TRIM37: variants seen among roughly 807,000 people sequenced by gnomAD.
TRIM37 encodes tripartite motif containing 37, also known as E3 ubiquitin-protein ligase TRIM37.
A neutral mutation model predicts 129.8 loss-of-function variants in TRIM37; 80 were observed. The ratio of observed to expected loss-of-function variants is 0.62; its 90% CI spans 0.51 to 0.74. TRIM37 has a LOEUF of 0.74. Among genes scored for constraint, TRIM37 ranks in the 30% least tolerant of loss-of-function variants. TRIM37 has a pLI of 0.00. For missense variants in TRIM37, 1,054 were observed against 1,176.5 expected, an observed-to-expected ratio of 0.90 and a Z score of 1.52; for synonymous variants, 389 against 387.1, an observed-to-expected ratio of 1.00 and a Z score of -0.06.
chr17:58,982,573 A>T, downstream of TRIM37: 1 of 255,760 alleles, frequency 3.9e-6, no homozygotes, highest in South Asian at 6.6e-5. Flanking sequence ...AATTTTAAAG[A>T]CACAGATGAC....
chr17:58,999,934 C>T (rs1452512134), intron 23 of TRIM37, among the ~76,000 whole-genome samples: 1 of 152,144 alleles, frequency 6.6e-6, no homozygotes, highest in East Asian at 1.9e-4. Flanking sequence ...ACTAAAGATG[C>T]CTTAATACTT....
chr17:59,052,941 C>T (rs1333727399), intron 13 of TRIM37, among the ~76,000 whole-genome samples: 1 of 147,144 alleles, frequency 6.8e-6, no homozygotes, highest in Non-Finnish European at 1.5e-5. Flanking sequence ...GGCAACAGAG[C>T]GAAACTCTGT....
intron 19 of TRIM37, among the ~76,000 whole-genome samples, chr17:59,021,017 T>C (rs551876467): frequency 6.6e-6 from 1 of 151,952 alleles, no homozygotes; most frequent in East Asian, 1.9e-4. Context: ...CAAAGAGGTA[T>C]CTGCATTCCC....
In TRIM37 at chr17:59,012,400, A is replaced by C. The variant is rs778075290; in HGVS notation, c.2623T>G (p.Leu875Val). 21 of 1,612,436 alleles carry C rather than the reference A, an allele frequency of 1.3e-5. No individual in the cohort carries two copies. In the East Asian group the frequency reaches 3.3e-4, roughly 26 times the overall value. Residue 875 changes from leucine to valine, a missense_variant, in exon 22 of 24, where the codon TTG becomes GTG. Leu to Val is a conservative substitution (Grantham distance 32, BLOSUM62 1). Around this residue, in one of 3 missense-constraint regions of TRIM37, gnomAD observed 287 missense variants for 274.3 expected, o/e 1.05. Transcript: ENST00000262294. ...TCTCCAGTTTCAGAATTATTTTCCA[A>C]ATCAGTCATCTGCAGTCCTTCCAGA... ...GHLEGLQMTD[L>V]ENNSETGELQ... is the part of the protein sequence containing the mutation.
chr17:59,019,226 T>C (rs1598927847), intron 19 of TRIM37, among the ~76,000 whole-genome samples: 1 of 152,120 alleles, frequency 6.6e-6, no homozygotes, highest in East Asian at 1.9e-4. Flanking sequence ...CTACTGATAA[T>C]AGCCAAAAAG....
At chr17:59,092,115 G>A (rs888256172) in intron 2 of TRIM37, among the ~76,000 whole-genome samples, 1 of 151,990 alleles carries the variant, frequency 6.6e-6, no homozygotes, top group Admixed American at 6.6e-5. Flanking sequence ...TCACAGGGCT[G>A]GGCACGGTGT....
chr17:59,106,765 C>A lies in TRIM37; in HGVS notation c.-304G>T. The A allele has an allele frequency of 1.8e-6, 1 of 557,426 alleles. No individual in the cohort carries two copies. Among genetic ancestry groups the A allele is most frequent in the Non-Finnish European group, 3.2e-6 (1 of 312,410 alleles). 34.5% of individuals were successfully genotyped at this position (557,426 alleles called of 1,614,324 possible). On this transcript the variant is annotated 5_prime_UTR_variant, in exon 1 of 24. Coordinates refer to ENST00000262294, the MANE Select transcript of TRIM37 (RefSeq NM_015294.6). ...CGCGCCGGAACCTCGGCCCACGTGA[C>A]GCGGGCGCGCGCCTATGGAACTGAC...
At chr17:59,092,107 AC>A (rs2044447275) in intron 2 of TRIM37, among the ~76,000 whole-genome samples, 1 of 152,084 alleles carries the variant, frequency 6.6e-6, no homozygotes, top group Admixed American at 6.6e-5. Context: ...AAACAGTTTC[AC>A]AGGGCTGGGC....
intron 24 of TRIM37, among the ~76,000 whole-genome samples, chr17:58,986,097 T>C (rs1364967172): frequency 6.6e-6 from 1 of 152,150 alleles, no homozygotes; most frequent in African/African-American, 2.4e-5. Context: ...CATAGAAATT[T>C]ACCCAAGTTA....
chr17:58,968,998 A>G, the TRIM37 span, among the ~76,000 whole-genome samples: 1 of 152,220 alleles, frequency 6.6e-6, no homozygotes, highest in Non-Finnish European at 1.5e-5. Context: ...ATGATTTATG[A>G]AGAAGGTATT....
Position 59,090,147 on chromosome 17 carries a change from A to C in TRIM37, c.164+1153T>G, listed in dbSNP as rs1449482133. On this transcript the variant is annotated intron_variant, in intron 3 of 23. Transcript: ENST00000262294. The stretch of plus-strand genomic sequence containing the variant: ...ATACAAAAAGAAAAATGGTTAACAG[A>C]TGGCACTCCAGCATTATTTTTTGAA... The C allele has an allele frequency of 3.3e-5, 5 of 152,164 alleles. No individual in the cohort carries two copies. In the East Asian group the frequency reaches 9.6e-4, roughly 29 times the overall value. The allele number at this position is 152,164 out of a possible 1,614,324, so 9.4% of individuals were successfully genotyped here.
intron 16 of TRIM37, 127 bp downstream of exon 16, chr17:59,047,556 G>GA: frequency 4.1e-6 from 4 of 969,424 alleles, no homozygotes; most frequent in Non-Finnish European, 6.2e-6. Flanking sequence ...ATTAGAGAGA[G>GA]AAAACTGACT....
At chr17:59,041,996 AATAAG>A in intron 16 of TRIM37, 98 bp from the exon 17 acceptor site, 4 of 818,382 alleles carry the variant, frequency 4.9e-6, no homozygotes, top group Non-Finnish European at 8.2e-6. Context: ...TTTTCTGTGA[AATAAG>A]ATATTTCTAA....
Position 58,998,292 on chromosome 17 carries a change from C to T in TRIM37, c.*1085G>A, listed in dbSNP as rs1000109205. 3.2e-5 allele frequency: 32 copies of T among 985,186 alleles called. No homozygotes were observed. Among genetic ancestry groups the T allele is most frequent in the African/African-American group, 5.2e-5 (3 of 57,214 alleles). The allele number at this position is 985,186 out of a possible 1,614,324, so 61.0% of individuals were successfully genotyped here. A position where few individuals can be genotyped will look rare whatever the true frequency, so the allele number is the denominator to read the frequency against. ...ACAGCATTCAGCAAGACATCAGACA[C>T]GGAAGAGTGAACAATATTCACTAAG... is the stretch of plus-strand genomic sequence containing the variant. On this transcript the variant is annotated 3_prime_UTR_variant, in exon 24 of 24. Coordinates refer to ENST00000262294, the MANE Select transcript of TRIM37 (RefSeq NM_015294.6).
At chr17:59,078,983 A>C (rs1599402188) in intron 7 of TRIM37, among the ~76,000 whole-genome samples, 1 of 152,306 alleles carries the variant, frequency 6.6e-6, no homozygotes, top group Non-Finnish European at 1.5e-5. Flanking sequence ...GTTAAAAATA[A>C]AATGGATAAA....
chr17:59,094,580 G>C (rs1318734870), intron 2 of TRIM37, among the ~76,000 whole-genome samples: 2 of 151,700 alleles, frequency 1.3e-5, no homozygotes, highest in African/African-American at 4.8e-5. Flanking sequence ...GAGAGAAGCT[G>C]TTAGCAATAT....
intron 24 of TRIM37, among the ~76,000 whole-genome samples, chr17:58,990,209 G>C (rs1439362831): frequency 8.8e-6 from 1 of 113,844 alleles, no homozygotes; most frequent in Non-Finnish European, 1.8e-5. Context: ...AAAAAAAAAA[G>C]GCTAGGCATG....
intron 4 of TRIM37, chr17:59,088,071 G>A (rs993803080): frequency 1.3e-5 from 8 of 598,578 alleles, no homozygotes; most frequent in African/African-American, 3.7e-5. Flanking sequence ...AGGGGAGGGC[G>A]AGAGGTATCT....
At chr17:58,983,140 C>T (rs2031471875) in intron 24 of TRIM37, 1 of 490,412 alleles carries the variant, frequency 2.0e-6, no homozygotes, top group East Asian at 3.2e-5. Context: ...AAACACAGAC[C>T]CATCTTTAGG....
Sources: gnomAD v4.1 joint callset for allele counts (sites outside exome capture counted in the v4.1 genomes callset) on GRCh38, gnomAD v4.1.1 for gene constraint, gnomAD v4.1.1 regional missense constraint, MANE v1.5 for transcripts, NCBI Gene and HGNC (gene_info 2026-07-23, HGNC 2026-07-21) for gene names.